Variants in ROR2 observed in about 807,000 individuals in gnomAD.
ROR2 encodes tyrosine-protein kinase transmembrane receptor ROR2.
A neutral mutation model predicts 74.9 loss-of-function variants in ROR2; 33 were observed. The observed-to-expected ratio is 0.44, with a 90% confidence interval of 0.33 to 0.59. ROR2 has a LOEUF of 0.59. Among genes scored for constraint, ROR2 ranks in the 20% least tolerant of loss-of-function variants. ROR2 has a pLI of 0.02. For missense variants in ROR2, 1,216 were observed against 1,313.8 expected, an observed-to-expected ratio of 0.93 and a Z score of 1.15; for synonymous variants, 586 against 558.7, an observed-to-expected ratio of 1.05 and a Z score of -0.69.
intron 1 of ROR2, among the ~76,000 whole-genome samples, chr9:91,924,884 A>C (rs1398146463): frequency 6.6e-6 from 1 of 152,074 alleles, no homozygotes; most frequent in African/African-American, 2.4e-5. Flanking sequence ...TAGCTCTGTC[A>C]TACATGCTGG....
chr9:91,876,447 T>C (rs1402279740), intron 1 of ROR2, among the ~76,000 whole-genome samples: 1 of 151,672 alleles, frequency 6.6e-6, no homozygotes, highest in East Asian at 1.9e-4. Context: ...CCTGGTAAAA[T>C]AGCCAGTCCC....
intron 7 of ROR2, among the ~76,000 whole-genome samples, chr9:91,729,921 T>G (rs1244569569): frequency 1.3e-5 from 2 of 152,228 alleles, no homozygotes; most frequent in Non-Finnish European, 2.9e-5. Flanking sequence ...GGAAATATTT[T>G]TACGAATATT....
At chr9:91,839,231 C>G (rs1163421839) in intron 1 of ROR2, among the ~76,000 whole-genome samples, 1 of 149,532 alleles carries the variant, frequency 6.7e-6, no homozygotes, top group Non-Finnish European at 1.5e-5. Context: ...TGGCCTGATT[C>G]CTGGTGCTGT....
At chr9:91,830,111 A>G (rs1828418505) in intron 1 of ROR2, among the ~76,000 whole-genome samples, 1 of 152,202 alleles carries the variant, frequency 6.6e-6, no homozygotes, top group African/African-American at 2.4e-5. Context: ...TGTATTTTCA[A>G]ATCAGTCAAC....
chr9:91,739,526 A>G (rs1825147378), intron 4 of ROR2, among the ~76,000 whole-genome samples: 1 of 151,702 alleles, frequency 6.6e-6, no homozygotes, highest in Non-Finnish European at 1.5e-5. Context: ...AAAAAAAAAA[A>G]AAAAAAAAAA....
chr9:91,729,547 G>A (rs574721393), intron 7 of ROR2, among the ~76,000 whole-genome samples: 2 of 152,332 alleles, frequency 1.3e-5, no homozygotes, highest in South Asian at 2.1e-4. Context: ...GCACTTCGGA[G>A]TAGAGACACG....
chr9:91,784,951 A>C (rs1023709023), intron 1 of ROR2, among the ~76,000 whole-genome samples: 5 of 152,230 alleles, frequency 3.3e-5, no homozygotes, highest in South Asian at 2.1e-4. Context: ...GAAGAGCAGC[A>C]TGCAAGTTGC....
intron 1 of ROR2, among the ~76,000 whole-genome samples, chr9:91,825,104 G>A (rs1828244784): frequency 6.6e-6 from 1 of 152,192 alleles, no homozygotes; most frequent in Admixed American, 6.5e-5. Flanking sequence ...GGGCCAACAA[G>A]AAAAACACAT....
Position 91,950,044 on chromosome 9 carries a change from T to A in ROR2, c.-81A>T. 1.6e-6 allele frequency: 1 copy of A among 610,220 alleles called. No homozygotes were observed. Among genetic ancestry groups the A allele is most frequent in the Non-Finnish European group, 2.5e-6 (1 of 392,998 alleles). The allele number at this position is 610,220 out of a possible 1,614,324, so 37.8% of individuals were successfully genotyped here. On this transcript the variant is annotated 5_prime_UTR_variant, in exon 1 of 9. Coordinates refer to ENST00000375708, the MANE Select transcript of ROR2 (RefSeq NM_004560.4). ...CGGGCGCCACCACCCCTTTCTACGA[T>A]GCGTCCGCTCCTCCTTCTCCCTGGC...
chr9:91,842,909 G>C (rs903392488), intron 1 of ROR2, among the ~76,000 whole-genome samples: 1 of 152,244 alleles, frequency 6.6e-6, no homozygotes, highest in Non-Finnish European at 1.5e-5. Context: ...CCCCTCTCTC[G>C]AGCAGAGGTG....
At chr9:91,802,234 C>T (rs1303473662) in intron 1 of ROR2, among the ~76,000 whole-genome samples, 4 of 148,964 alleles carry the variant, frequency 2.7e-5, no homozygotes, top group East Asian at 2.1e-4. Flanking sequence ...CCACCAGGCC[C>T]GGCTAACTTT....
chr9:91,795,202 C>T (rs1042819709), intron 1 of ROR2, among the ~76,000 whole-genome samples: 31 of 152,138 alleles, frequency 2.0e-4, no homozygotes, highest in African/African-American at 7.0e-4. Context: ...ATTTCTCTGC[C>T]TCTAATCGCC....
chr9:91,778,659 C>T (rs1453412140), intron 1 of ROR2, among the ~76,000 whole-genome samples: 1 of 152,202 alleles, frequency 6.6e-6, no homozygotes, highest in African/African-American at 2.4e-5. Context: ...GAGGACACTA[C>T]TCTAGCCAAA....
intron 1 of ROR2, among the ~76,000 whole-genome samples, chr9:91,784,006 C>T (rs1279688933): frequency 2.0e-5 from 3 of 152,170 alleles, no homozygotes; most frequent in Non-Finnish European, 4.4e-5. Flanking sequence ...ACTCCCAAAC[C>T]ACCTGTCCAG....
chr9:91,866,928 C>G (rs1029196152), intron 1 of ROR2, among the ~76,000 whole-genome samples: 1 of 152,180 alleles, frequency 6.6e-6, no homozygotes, highest in Admixed American at 6.5e-5. Flanking sequence ...TCTGCACATC[C>G]TCCTCAAAAT....
At chr9:91,879,897 T>C (rs976596054) in intron 1 of ROR2, among the ~76,000 whole-genome samples, 3 of 152,046 alleles carry the variant, frequency 2.0e-5, no homozygotes, top group Admixed American at 6.6e-5. Context: ...CTTGCACTCA[T>C]TTTTTCTGAG....
intron 1 of ROR2, among the ~76,000 whole-genome samples, chr9:91,932,422 T>G (rs1831570598): frequency 6.6e-6 from 1 of 151,964 alleles, no homozygotes; most frequent in African/African-American, 2.4e-5. Flanking sequence ...ATCTGGTACA[T>G]GGCTAAATAT....
At chr9:91,878,224 C>T (rs1830008775) in intron 1 of ROR2, among the ~76,000 whole-genome samples, 1 of 152,150 alleles carries the variant, frequency 6.6e-6, no homozygotes, top group South Asian at 2.1e-4. Context: ...TGGCAGGAAG[C>T]AGGTAAGAAT....
chr9:91,765,730 C>T (rs79560736), intron 2 of ROR2, among the ~76,000 whole-genome samples: 6,453 of 152,254 alleles, frequency 0.042, 286 homozygotes, highest in East Asian at 0.16. Flanking sequence ...CCTAGCTTCA[C>T]AGGTAAGCTT....
Sources: allele counts gnomAD v4.1 joint callset (sites outside exome capture counted in the v4.1 genomes callset), GRCh38; gene constraint gnomAD v4.1.1; transcripts MANE v1.5; gene names NCBI Gene and HGNC (gene_info 2026-07-23, HGNC 2026-07-21).